The following EXD2 variants were observed in gnomAD, a reference collection of about 807,000 sequenced individuals.
EXD2 encodes exonuclease 3'-5' domain containing 2.
A neutral mutation model predicts 62.5 loss-of-function variants in EXD2; 40 were observed. The ratio of observed to expected loss-of-function variants is 0.64; its 90% CI spans 0.50 to 0.83. EXD2 has a LOEUF of 0.83. Ranked by LOEUF, EXD2 falls within the 40% of genes least tolerant of loss-of-function variation. EXD2 has a pLI of 0.00. For synonymous variants in EXD2, 239 were observed against 291.9 expected (o/e 0.82, Z 1.85); for missense variants, 671 against 761.8 (o/e 0.88, Z 1.40).
At chr14:69,236,638 TC>T in intron 8 of EXD2, 96 bp downstream of exon 8, 1 of 1,525,954 alleles carries the variant, frequency 6.6e-7, no homozygotes, top group Non-Finnish European at 9.0e-7. Flanking sequence ...GCTGAGTCTG[TC>T]CACTTTGGCT....
chr14:69,223,136 A>G (rs1165321708), intron 3 of EXD2, among the ~76,000 whole-genome samples: 1 of 152,206 alleles, frequency 6.6e-6, no homozygotes, highest in African/African-American at 2.4e-5. Context: ...CAGCAGATGG[A>G]TCCGTGGGCC....
intron 1 of EXD2, among the ~76,000 whole-genome samples, chr14:69,197,653 G>T (rs2042251985): frequency 6.6e-6 from 1 of 151,942 alleles, no homozygotes; most frequent in South Asian, 2.1e-4. Context: ...TGGGTGTTTA[G>T]CTGCACTTAC....
intron 2 of EXD2, chr14:69,209,109 T>C (rs1013582618): frequency 6.3e-5 from 10 of 158,720 alleles, no homozygotes; most frequent in African/African-American, 1.7e-4. Flanking sequence ...TTGTTTTTTT[T>C]TCTTCCTAGA....
intron 3 of EXD2, among the ~76,000 whole-genome samples, chr14:69,218,440 A>T (rs1183305993): frequency 6.6e-6 from 1 of 152,092 alleles, no homozygotes; most frequent in Non-Finnish European, 1.5e-5. Flanking sequence ...CCTTTATCAG[A>T]TGAGTAGATT....
chr14:69,213,669 A>G (rs1312365808), intron 3 of EXD2, among the ~76,000 whole-genome samples: 1 of 139,574 alleles, frequency 7.2e-6, no homozygotes. Flanking sequence ...AGCTGTATTT[A>G]CCTTTTTTTT....
chr14:69,203,236 G>A (rs2042467287), intron 1 of EXD2, among the ~76,000 whole-genome samples: 1 of 136,740 alleles, frequency 7.3e-6, no homozygotes, highest in South Asian at 2.7e-4. Context: ...CTAGTTTTTT[G>A]TAATTTTTTT....
At chr14:69,194,651 G>A (rs2042140138) in intron 1 of EXD2, among the ~76,000 whole-genome samples, 1 of 152,114 alleles carries the variant, frequency 6.6e-6, no homozygotes, top group Non-Finnish European at 1.5e-5. Context: ...CTGGCCTCAT[G>A]TGCTCATTTA....
At position 69,241,183 on chromosome 14, in the gene EXD2, T is replaced by G; in HGVS notation, c.*83T>G. The G allele has an allele frequency of 8.8e-7, 1 of 1,132,960 alleles. No individual in the cohort carries two copies. The highest frequency in any genetic ancestry group is 1.4e-5 in the South Asian group (1 of 69,960). The allele number at this position is 1,132,960 out of a possible 1,614,324, so 70.2% of individuals were successfully genotyped here. A position where few individuals can be genotyped will look rare whatever the true frequency, so the allele number is the denominator to read the frequency against. ...ACCTCTTCCCATTTTAGTACATCATTAATTGTCAAAGCCTGTGTGACACAA... is the reference window on the plus strand; with the variant it reads ...ACCTCTTCCCATTTTAGTACATCATGAATTGTCAAAGCCTGTGTGACACAA... On this transcript the variant is annotated 3_prime_UTR_variant, in exon 10 of 10. Coordinates refer to ENST00000685843, the MANE Select transcript of EXD2 (RefSeq NM_001193360.2).
chr14:69,212,508 C>A (rs1594747540), intron 3 of EXD2, among the ~76,000 whole-genome samples: 1 of 150,264 alleles, frequency 6.7e-6, no homozygotes, highest in Admixed American at 6.6e-5. Flanking sequence ...TATTTTTGTT[C>A]TTCTTTATTG....
intron 3 of EXD2, among the ~76,000 whole-genome samples, 186 bp from the exon 4 acceptor site, chr14:69,228,630 T>C (rs115875448): frequency 0.013 from 2,017 of 152,236 alleles, 42 homozygotes; most frequent in African/African-American, 0.047. Context: ...TTTGTTTAGG[T>C]CACTGCTTCA....
Position 69,240,976 on chromosome 14 carries a change from G to A in EXD2, c.1742G>A (p.Arg581His), listed in dbSNP as rs377331584. The A allele has an allele frequency of 1.4e-5, 22 of 1,613,170 alleles. No homozygotes were observed. Among genetic ancestry groups the A allele is most frequent in the African/African-American group, 4.0e-5 (3 of 74,876 alleles). ...GLRSLMQLES[R>H]WRQHFLDSMQ... ...CGCTCCCTCATGCAGCTGGAGAGCC[G>A]CTGGCGTCAGCACTTCCTGGACTCC... Residue 581 changes from arginine to histidine, a missense_variant, in exon 10 of 10, where the codon CGC becomes CAC. Arg to His is a conservative substitution (Grantham distance 29). Transcript: ENST00000685843.
intron 1 of EXD2, among the ~76,000 whole-genome samples, chr14:69,202,676 A>T (rs1350138931): frequency 6.6e-6 from 1 of 152,228 alleles, no homozygotes; most frequent in African/African-American, 2.4e-5. Flanking sequence ...TCAAATAAAA[A>T]TGAATTAATA....
At chr14:69,207,592 G>C (rs1221984694) in intron 2 of EXD2, among the ~76,000 whole-genome samples, 1 of 152,232 alleles carries the variant, frequency 6.6e-6, no homozygotes, top group Admixed American at 6.5e-5. Flanking sequence ...AGTATAGGCA[G>C]GGTGCAGCTG....
At position 69,241,063 on chromosome 14, in the gene EXD2, G is replaced by A. The variant is rs370055833; in HGVS notation, c.1829G>A (p.Arg610Gln). 2.2e-5 allele frequency: 35 copies of A among 1,612,484 alleles called. No homozygotes were observed. The highest frequency in any genetic ancestry group is 8.9e-5 in the East Asian group (4 of 44,892). The change falls in exon 10 of 10, where the codon CGG becomes CAG. Residue 610 changes from arginine (R) to glutamine (Q), a missense_variant. By Grantham distance (43) the Arg-to-Gln change is conservative (BLOSUM62 1). Coordinates refer to ENST00000685843, the MANE Select transcript of EXD2 (RefSeq NM_001193360.2). ...SVDHNHQKLL[R>Q]KFGEDLPIQL... ...GACCACAACCATCAGAAGCTGCTCCGGAAATTCGGGGAAGATCTTCCCATC... is the reference window on the plus strand; with the variant it reads ...GACCACAACCATCAGAAGCTGCTCCAGAAATTCGGGGAAGATCTTCCCATC...
rs1296224803 is a variant in EXD2, at chr14:69,209,725, G to T, written c.255G>T (p.Glu85Asp). ...CAAAGGTGGTGACGGTGTCTCAGGA[G>T]GCAGAGTGGGATCAAATCGAGCCCT... is the stretch of plus-strand genomic sequence containing the variant. ...LKAKVVTVSQEAEWDQIEPLL... is the reference protein window; with the variant it reads ...LKAKVVTVSQDAEWDQIEPLL... The change falls in exon 3 of 10, where the codon GAG becomes GAT. Residue 85 changes from glutamate to aspartate, a missense_variant. Physicochemically the swap from Glu to Asp is conservative, Grantham distance 45. Coordinates refer to ENST00000685843, the MANE Select transcript of EXD2 (RefSeq NM_001193360.2). The T allele has an allele frequency of 1.3e-6, 2 of 1,549,906 alleles. No homozygotes were observed. Among genetic ancestry groups the T allele is most frequent in the African/African-American group, 2.7e-5 (2 of 72,922 alleles).
rs758339231 is a variant in EXD2 at position 69,235,015 on chromosome 14, G to T, written c.1033G>T (p.Val345Leu). 6.9e-6 allele frequency: 11 copies of T among 1,595,826 alleles called. No individual in the cohort carries two copies. The highest frequency in any genetic ancestry group is 9.4e-6 in the Non-Finnish European group (11 of 1,172,982). ...PRKHKRKPLGVGYSARKSPLY... is the reference protein window; with the variant it reads ...PRKHKRKPLGLGYSARKSPLY... ...AAAACATAAAAGAAAGCCTCTGGGG[G>T]TGGGCTATTCTGCCAGGTAACTGAA... The change falls in exon 6 of 10, where the codon GTG becomes TTG. Residue 345 changes from valine (V) to leucine (L), a missense_variant. Transcript: ENST00000685843.
At position 69,228,937 on chromosome 14, in the gene EXD2, T is replaced by TC. The variant is rs754853097; in HGVS notation, c.455_456insC (p.Leu152PhefsTer33). The TC allele has an allele frequency of 2.5e-6, 4 of 1,614,136 alleles. No individual in the cohort carries two copies. The highest frequency in any genetic ancestry group is 3.4e-6 in the Non-Finnish European group (4 of 1,180,032). On this transcript the variant is annotated frameshift_variant, in exon 4 of 10. Coordinates refer to ENST00000685843, the MANE Select transcript of EXD2 (RefSeq NM_001193360.2). LOFTEE classifies it high-confidence loss of function. ...GGAGGAAAAACACTACCAAGAACGTTATTGGATATTTTGGCAGATGGCACC... is the reference window on the plus strand; with the variant it reads ...GGAGGAAAAACACTACCAAGAACGTTCATTGGATATTTTGGCAGATGGCACC...
intron 1 of EXD2, among the ~76,000 whole-genome samples, chr14:69,199,955 A>G (rs10139153): frequency 0.71 from 107,524 of 152,154 alleles, 38,947 homozygotes; most frequent in East Asian, 0.94. Context: ...TGCATGTGCT[A>G]TACTTTTATA....
chr14:69,192,688 T>C (rs2042072876), intron 1 of EXD2, among the ~76,000 whole-genome samples: 1 of 152,250 alleles, frequency 6.6e-6, no homozygotes, highest in Non-Finnish European at 1.5e-5. Context: ...ACGTATAAGA[T>C]ATATGTTTGT....
Sources: allele counts gnomAD v4.1 joint callset (sites outside exome capture counted in the v4.1 genomes callset), GRCh38; gene constraint gnomAD v4.1.1; transcripts MANE v1.5; gene names NCBI Gene and HGNC (gene_info 2026-07-23, HGNC 2026-07-21).